TMEM132B: variants seen among roughly 807,000 people sequenced by gnomAD.
TMEM132B encodes the protein transmembrane protein 132B.
In TMEM132B, 18 loss-of-function variants were observed where a neutral mutation model predicts 90.8. That is an observed-to-expected ratio of 0.20 (90% CI 0.14 to 0.29). The LOEUF is 0.29. Among genes scored for constraint, TMEM132B ranks in the 10% least tolerant of loss-of-function variants. The pLI, the probability that TMEM132B is intolerant of heterozygous loss-of-function variation, is 1.00. For missense variants in TMEM132B, 1,096 were observed against 1,326.8 expected (o/e 0.83, Z 2.70); for synonymous variants, 504 against 523.3 (o/e 0.96, Z 0.50).
In TMEM132B at chr12:125,661,129, G is replaced by T. The variant is rs1406490853; in HGVS notation, c.*6419G>T. On this transcript the variant is annotated 3_prime_UTR_variant, in exon 9 of 9. Transcript: ENST00000682704. Reference sequence around the variant, plus strand: ...AGCTGAAATAGTCTGCCACGTTATTGTTATCTCCTTTGTAAGAATTTGACT... The same window carrying T: ...AGCTGAAATAGTCTGCCACGTTATTTTTATCTCCTTTGTAAGAATTTGACT... The T allele has an allele frequency of 1.3e-5, 2 of 152,196 alleles. No homozygotes were observed. The highest frequency in any genetic ancestry group is 4.8e-5 in the African/African-American group (2 of 41,446). The allele number at this position is 152,196 out of a possible 1,614,324, so 9.4% of individuals were successfully genotyped here.
intron 3 of TMEM132B, among the ~76,000 whole-genome samples, chr12:125,431,271 GA>G (rs761115113): frequency 6.6e-5 from 10 of 152,138 alleles, no homozygotes; most frequent in Admixed American, 6.5e-5. Context: ...AATTGAAATG[GA>G]ACTTGCCTTT....
Position 125,459,035 on chromosome 12 carries a change from A to G in TMEM132B, c.1106+43358A>G, listed in dbSNP as rs955469709. Among the ~76,000 whole-genome samples the G allele has an allele frequency of 2.0e-5, 3 of 152,202 alleles. No homozygotes were observed. The highest frequency in any genetic ancestry group is 2.9e-5 in the Non-Finnish European group (2 of 68,032). The stretch of plus-strand genomic sequence containing the variant: ...TGTGCAATTAGCATCTTCGGGTGAC[A>G]TCACCATTTGTCCACAGCAAAGCCC... On this transcript the variant is annotated intron_variant, in intron 3 of 8. Coordinates refer to ENST00000682704, the MANE Select transcript of TMEM132B (RefSeq NM_001366854.1). The surrounding 1 kb of genome is among the most constrained non-coding windows in gnomAD (Gnocchi z 4.1).
chr12:125,640,502 G>A (rs1480401072), intron 5 of TMEM132B, among the ~76,000 whole-genome samples: 8 of 152,172 alleles, frequency 5.3e-5, no homozygotes, highest in African/African-American at 1.2e-4. Flanking sequence ...GGCCTGTGCC[G>A]GGTAGGGAGG....
chr12:125,188,336 G>A (rs1957771822), intron 1 of TMEM132B, among the ~76,000 whole-genome samples: 1 of 152,176 alleles, frequency 6.6e-6, no homozygotes, highest in South Asian at 2.1e-4. Context: ...TGGGGCCGAG[G>A]CTGTTTTCTC....
At chr12:125,191,826 T>TCC (rs1437530171) in intron 1 of TMEM132B, among the ~76,000 whole-genome samples, 2 of 149,902 alleles carry the variant, frequency 1.3e-5, no homozygotes, top group African/African-American at 4.9e-5. Context: ...TACTGGTTTA[T>TCC]CCCCTTGGCC....
chr12:125,605,537 G>T lies in TMEM132B; in HGVS notation c.1437+21543G>T, dbSNP rs564393023. On this transcript the variant is annotated intron_variant, in intron 5 of 8. Coordinates refer to ENST00000682704, the MANE Select transcript of TMEM132B (RefSeq NM_001366854.1). Reference sequence around the variant, plus strand: ...TTTCCTGGTTCCAGTCATTGGTGAGGTTCTAGCACTGTCAGCATGTCAGTT... The same window carrying T: ...TTTCCTGGTTCCAGTCATTGGTGAGTTTCTAGCACTGTCAGCATGTCAGTT... Among the ~76,000 whole-genome samples, 38 of 152,262 alleles carry T rather than the reference G, an allele frequency of 2.5e-4. No homozygotes were observed. The East Asian group carries it at 5.6e-3, about 22-fold the overall frequency.
intron 3 of TMEM132B, among the ~76,000 whole-genome samples, chr12:125,431,507 G>A (rs1464567345): frequency 1.3e-5 from 2 of 152,140 alleles, no homozygotes; most frequent in Admixed American, 1.3e-4. Flanking sequence ...CCGAGAAATC[G>A]TACTGAGCGA....
At chr12:125,631,132 T>C (rs998980212) in intron 5 of TMEM132B, among the ~76,000 whole-genome samples, 7 of 152,130 alleles carry the variant, frequency 4.6e-5, no homozygotes, top group African/African-American at 9.7e-5. Flanking sequence ...TACAGCTATA[T>C]ACTTCCCTTA....
At chr12:125,519,675 A>T (rs770136252) in intron 4 of TMEM132B, 50 bp downstream of exon 4, 65 of 1,568,988 alleles carry the variant, frequency 4.1e-5, no homozygotes, top group Middle Eastern at 2.1e-4. Flanking sequence ...AGTTTTCTTT[A>T]AACATGATGC....
chr12:125,314,661 G>T (rs183953514), intron 1 of TMEM132B, among the ~76,000 whole-genome samples: 125 of 152,344 alleles, frequency 8.2e-4, no homozygotes, highest in African/African-American at 3.0e-3. Flanking sequence ...GAGGCACAAA[G>T]ATCTTTTCTT....
In TMEM132B at chr12:125,427,799, A is replaced by G. The variant is rs943219592; in HGVS notation, c.1106+12122A>G. 5.9e-5 allele frequency among the ~76,000 whole-genome samples: 9 copies of G among 152,200 alleles called. No homozygotes were observed. The South Asian group carries it at 1.7e-3, about 28-fold the overall frequency. On this transcript the variant is annotated intron_variant, in intron 3 of 8. Coordinates refer to ENST00000682704, the MANE Select transcript of TMEM132B (RefSeq NM_001366854.1). ...ACACGACCTTTCTTACCAAGTGCAG[A>G]TGTTATTTCTACTGTAGGATTTAAC...
At position 125,428,006 on chromosome 12, in the gene TMEM132B, T is replaced by C. The variant is rs1190280646; in HGVS notation, c.1106+12329T>C. Among the ~76,000 whole-genome samples the C allele has an allele frequency of 2.6e-5, 4 of 152,124 alleles. No individual in the cohort carries two copies. In the East Asian group the frequency reaches 7.7e-4, roughly 29 times the overall value. The stretch of plus-strand genomic sequence containing the variant: ...ATGCTAATGGAAAGTACTTTTTTTT[T>C]TTTTTCTGAGGAAGAAGGTCTCTCT... On this transcript the variant is annotated intron_variant, in intron 3 of 8. Transcript: ENST00000682704.
chr12:125,295,515 T>TGTGTGAGAGAGAGAGAGAGA (rs531489519), intron 1 of TMEM132B, among the ~76,000 whole-genome samples: 2 of 142,334 alleles, frequency 1.4e-5, no homozygotes, highest in African/African-American at 5.4e-5. Context: ...TGTGTGTGTG[T>TGTGTGAGAGAGAGAGAGAGA]GAGAGAGAGA....
Position 125,498,278 on chromosome 12 carries a change from A to G in TMEM132B, c.1107-21161A>G, listed in dbSNP as rs765312971. 6.6e-6 allele frequency among the ~76,000 whole-genome samples: 1 copy of G among 152,214 alleles called. No individual in the cohort carries two copies. Among genetic ancestry groups the G allele is most frequent in the African/African-American group, 2.4e-5 (1 of 41,440 alleles). ...TAATTTACATGGGAATGCTGAGTTG[A>G]TGGCTAGGTGTTTTTTCTGTTTAGC... is the stretch of plus-strand genomic sequence containing the variant. On this transcript the variant is annotated intron_variant, in intron 3 of 8. Transcript: ENST00000682704. The surrounding 1 kb of genome is among the most constrained non-coding windows in gnomAD (Gnocchi z 4.5).
chr12:125,269,262 G>A lies in TMEM132B; in HGVS notation c.68-80190G>A, dbSNP rs577471465. Among the ~76,000 whole-genome samples, 47 of 152,246 alleles carry A rather than the reference G, an allele frequency of 3.1e-4. 1 individual carries two copies. Among genetic ancestry groups the A allele is most frequent in the Non-Finnish European group, 1.8e-4 (12 of 68,020 alleles). On this transcript the variant is annotated intron_variant, in intron 1 of 8. Transcript: ENST00000682704. ...CTGCCCTGAGTGTTTTTGGAATTCC[G>A]GGGACTTGGAGGGTCTCCTTGCTGC...
intron 1 of TMEM132B, among the ~76,000 whole-genome samples, chr12:125,226,069 G>A (rs1338548665): frequency 1.3e-5 from 2 of 152,204 alleles, no homozygotes; most frequent in East Asian, 1.9e-4. Flanking sequence ...AAAGAATACC[G>A]ATAGTGTCCT....
At chr12:125,442,364 C>T (rs1880899801) in intron 3 of TMEM132B, among the ~76,000 whole-genome samples, 1 of 152,154 alleles carries the variant, frequency 6.6e-6, no homozygotes, top group South Asian at 2.1e-4. Context: ...TTGTGATCTC[C>T]TGGAATTTGC....
At position 125,350,196 on chromosome 12, in the gene TMEM132B, C is replaced by T. The variant is rs1206978537; in HGVS notation, c.812C>T (p.Pro271Leu). ...RERIGSVVVYPTQDDLKWSLV... is the reference protein window; with the variant it reads ...RERIGSVVVYLTQDDLKWSLV... ...AGGATTGGGAGTGTGGTGGTCTACC[C>T]AACCCAAGATGATCTGAAGTGGTCC... Residue 271 changes from proline (P) to leucine (L), a missense_variant, in exon 2 of 9, where the codon CCA becomes CTA. Transcript: ENST00000682704. The T allele has an allele frequency of 6.2e-7, 1 of 1,614,148 alleles. No homozygotes were observed. The highest frequency in any genetic ancestry group is 1.1e-5 in the South Asian group (1 of 91,072).
intron 3 of TMEM132B, among the ~76,000 whole-genome samples, chr12:125,442,309 C>CCT (rs1880896908): frequency 9.1e-6 from 1 of 110,070 alleles, no homozygotes; most frequent in African/African-American, 5.0e-5. Flanking sequence ...AGCTAGTGAC[C>CCT]ATAGGATCAG....
Sources: allele counts gnomAD v4.1 joint callset (sites outside exome capture counted in the v4.1 genomes callset), GRCh38; gene constraint gnomAD v4.1.1; non-coding constraint Gnocchi (gnomAD v3.1); transcripts MANE v1.5; gene names NCBI Gene and HGNC (gene_info 2026-07-23, HGNC 2026-07-21).